Variants in ETV1 observed in about 807,000 individuals in gnomAD.
ETV1 encodes the protein ETS variant transcription factor 1.
Under a neutral mutation model 62.3 loss-of-function variants are expected in ETV1, and 27 were observed. The ratio of observed to expected loss-of-function variants is 0.43; its 90% confidence interval spans 0.32 to 0.60. The LOEUF (loss-of-function observed/expected upper bound fraction) is 0.60. ETV1 is among the 20% of genes least tolerant of loss of function. The pLI is 0.06. For synonymous variants in ETV1, 222 were observed against 199.6 expected (o/e 1.11, Z -0.94); for missense variants, 605 against 605.8 (o/e 1.00, Z 0.01).
chr7:13,974,685 A>G (rs1781242909), intron 6 of ETV1, among the ~76,000 whole-genome samples: 1 of 152,240 alleles, frequency 6.6e-6, no homozygotes, highest in Non-Finnish European at 1.5e-5. Context: ...GGTTTATTGT[A>G]AAGAACCGAG....
intron 6 of ETV1, among the ~76,000 whole-genome samples, chr7:13,959,546 T>C (rs1326933575): frequency 2.0e-5 from 3 of 152,138 alleles, no homozygotes; most frequent in African/African-American, 7.2e-5. Flanking sequence ...AAGTAATTCA[T>C]ATAATGTCTA....
chr7:13,971,447 G>C (rs563196474), intron 6 of ETV1, among the ~76,000 whole-genome samples: 1 of 152,306 alleles, frequency 6.6e-6, no homozygotes, highest in South Asian at 2.1e-4. Flanking sequence ...ACAGATATCT[G>C]ATAAAGTACA....
intron 6 of ETV1, among the ~76,000 whole-genome samples, chr7:13,959,906 AAAAG>A (rs1242676782): frequency 6.8e-6 from 1 of 146,600 alleles, no homozygotes; most frequent in East Asian, 1.9e-4. Context: ...AAAAAAAAAA[AAAAG>A]ATCTATTCTC....
intron 9 of ETV1, among the ~76,000 whole-genome samples, chr7:13,927,180 GGCTCAT>G (rs1368164986): frequency 6.6e-6 from 1 of 152,168 alleles, no homozygotes; most frequent in Non-Finnish European, 1.5e-5. Flanking sequence ...AGGGTGCAGT[GGCTCAT>G]GCCTGTAATC....
At chr7:13,944,594 A>C (rs1380815046) in intron 6 of ETV1, among the ~76,000 whole-genome samples, 1 of 152,122 alleles carries the variant, frequency 6.6e-6, no homozygotes, top group African/African-American at 2.4e-5. Context: ...AGTCTACTGC[A>C]GGGCATAAGG....
Position 13,895,472 on chromosome 7 carries a change from G to A in ETV1, c.*394C>T, listed in dbSNP as rs771441552. On this transcript the variant is annotated 3_prime_UTR_variant, in exon 14 of 14. Transcript: ENST00000430479. ...GTCTCCAAGTGGATATTTACACAAC[G>A]TGAAATTAACTGTACCATAGATACC... The A allele has an allele frequency of 3.7e-5, 9 of 246,200 alleles. No homozygotes were observed. Among genetic ancestry groups the A allele is most frequent in the Non-Finnish European group, 5.6e-5 (7 of 125,646 alleles). 15.3% of individuals were successfully genotyped at this position (246,200 alleles called of 1,614,324 possible).
At chr7:13,896,489 T>G (rs1583543488) in intron 13 of ETV1, among the ~76,000 whole-genome samples, 1 of 152,270 alleles carries the variant, frequency 6.6e-6, no homozygotes, top group South Asian at 2.1e-4. Flanking sequence ...ACTTTTAAGG[T>G]ACACTGTCCC....
In ETV1 at chr7:13,896,076, C is replaced by T. The variant is rs1433234831; in HGVS notation, c.1224G>A (p.Glu408=). ...EKGIMQKVAG[E]RYVYKFVCDP... ...CACACACAAACTTGTAGACATATCTCTCTCCAGCCACCTGATGATAACATG... is the reference window on the plus strand; with the variant it reads ...CACACACAAACTTGTAGACATATCTTTCTCCAGCCACCTGATGATAACATG... Residue 408 remains glutamate, a synonymous_variant, in exon 14 of 14, where the codon GAG becomes GAA. Coordinates refer to ENST00000430479, the MANE Select transcript of ETV1 (RefSeq NM_004956.5). The T allele has an allele frequency of 6.2e-7, 1 of 1,612,760 alleles. No homozygotes were observed. The highest frequency in any genetic ancestry group is 1.1e-5 in the South Asian group (1 of 90,786).
At chr7:13,930,405 T>C (rs899059145) in intron 9 of ETV1, among the ~76,000 whole-genome samples, 2 of 151,988 alleles carry the variant, frequency 1.3e-5, no homozygotes, top group Non-Finnish European at 2.9e-5. Context: ...CACTGCAACC[T>C]CCACCTCCTG....
intron 6 of ETV1, among the ~76,000 whole-genome samples, chr7:13,957,072 T>G (rs985079651): frequency 1.3e-5 from 2 of 151,878 alleles, no homozygotes; most frequent in African/African-American, 4.8e-5. Flanking sequence ...ACCTATTTAT[T>G]TATTTATTTA....
Position 13,896,725 on chromosome 7 carries a change from A to AAGAAAGGAGAGAG in ETV1, c.1213-639_1213-638insCTCTCTCCTTTCT, listed in dbSNP as rs1344252960. Among the ~76,000 whole-genome samples, 238 of 144,082 alleles carry AAGAAAGGAGAGAG rather than the reference A, an allele frequency of 1.7e-3. 1 individual carries two copies. The highest frequency in any genetic ancestry group is 4.2e-3 in the African/African-American group (160 of 38,190). The allele number at this position is 144,082 out of a possible 152,430, so 94.5% of individuals were successfully genotyped here. On this transcript the variant is annotated intron_variant, in intron 13 of 13. Coordinates refer to ENST00000430479, the MANE Select transcript of ETV1 (RefSeq NM_004956.5). Reference sequence around the variant, plus strand: ...GAAAGAAAGAAAGGAGAGAGAAAGAAAAAGAAAAAGAAAGAAAGGAAAGAA... The same window carrying AAGAAAGGAGAGAG: ...GAAAGAAAGAAAGGAGAGAGAAAGAAAGAAAGGAGAGAGAAAGAAAAAGAAAGAAAGGAAAGAA...
intron 4 of ETV1, 67 bp downstream of exon 4, chr7:13,988,019 C>CT: frequency 2.3e-6 from 2 of 871,394 alleles, no homozygotes; most frequent in Non-Finnish European, 3.9e-6. Flanking sequence ...TGAAGTGCTC[C>CT]TTTTCTTTTA....
intron 13 of ETV1, among the ~76,000 whole-genome samples, chr7:13,898,642 A>G (rs1411166600): frequency 6.6e-6 from 1 of 152,174 alleles, no homozygotes; most frequent in East Asian, 1.9e-4. Flanking sequence ...CTAATCTTCT[A>G]ATTTTCTATA....
At chr7:13,941,519 C>T (rs1188500051) in intron 6 of ETV1, among the ~76,000 whole-genome samples, 1 of 152,074 alleles carries the variant, frequency 6.6e-6, no homozygotes, top group Non-Finnish European at 1.5e-5. Context: ...TCTATGTGTC[C>T]TAAATTTCCT....
Position 13,906,790 on chromosome 7 carries a change from C to T in ETV1, c.941-191G>A, listed in dbSNP as rs571079282. Among the ~76,000 whole-genome samples the T allele has an allele frequency of 5.3e-5, 8 of 152,136 alleles. No individual in the cohort carries two copies. The South Asian group carries it at 1.5e-3, about 28-fold the overall frequency. On this transcript the variant is annotated intron_variant, in intron 11 of 13. Coordinates refer to ENST00000430479, the MANE Select transcript of ETV1 (RefSeq NM_004956.5). Reference sequence around the variant, plus strand: ...GTTGAATATAAATGAGCAAGCTGTACGAACTTACAGATAACTATATATAAC... The same window carrying T: ...GTTGAATATAAATGAGCAAGCTGTATGAACTTACAGATAACTATATATAAC...
intron 6 of ETV1, among the ~76,000 whole-genome samples, chr7:13,957,903 A>G (rs1384164463): frequency 1.3e-5 from 2 of 152,214 alleles, no homozygotes; most frequent in Non-Finnish European, 2.9e-5. Context: ...AAACAATCCT[A>G]TGATCACAAC....
chr7:13,928,719 A>C (rs1341843455), intron 9 of ETV1, among the ~76,000 whole-genome samples: 1 of 152,162 alleles, frequency 6.6e-6, no homozygotes, highest in African/African-American at 2.4e-5. Context: ...GCACTTTGGG[A>C]GGCCAAGGTG....
chr7:13,988,595 GAAAA>G, intron 3 of ETV1: 10 of 811,078 alleles, frequency 1.2e-5, no homozygotes, highest in African/African-American at 7.7e-5. Context: ...GTAGAGAAAT[GAAAA>G]AAAAAAAAAA....
intron 9 of ETV1, among the ~76,000 whole-genome samples, chr7:13,929,420 C>A (rs751441989): frequency 6.6e-6 from 1 of 152,210 alleles, no homozygotes; most frequent in African/African-American, 2.4e-5. Flanking sequence ...ATAACAACCT[C>A]TCAGCCATGT....
Sources: gnomAD v4.1 joint callset for allele counts (sites outside exome capture counted in the v4.1 genomes callset) on GRCh38, gnomAD v4.1.1 for gene constraint, MANE v1.5 for transcripts, NCBI Gene and HGNC (gene_info 2026-07-23, HGNC 2026-07-21) for gene names.